MPHOSPH8: variants seen among roughly 807,000 people sequenced by gnomAD.
The protein encoded by MPHOSPH8 is M-phase phosphoprotein, mpp.
A neutral mutation model predicts 87.3 loss-of-function variants in MPHOSPH8; 45 were observed. The ratio of observed to expected loss-of-function variants is 0.52; its 90% CI spans 0.41 to 0.66. MPHOSPH8 has a LOEUF of 0.66. MPHOSPH8 is among the 30% of genes least tolerant of loss of function. The pLI is 0.00. For missense variants in MPHOSPH8, 883 were observed against 1,020.2 expected, an observed-to-expected ratio of 0.87 and a Z score of 1.83; for synonymous variants, 366 against 376.9, an observed-to-expected ratio of 0.97 and a Z score of 0.33.
At chr13:19,666,289 C>A in intron 9 of MPHOSPH8, 136 bp from the exon 10 acceptor site, 2 of 833,534 alleles carry the variant, frequency 2.4e-6, no homozygotes, top group Non-Finnish European at 3.7e-6. Flanking sequence ...GCCTGACGGG[C>A]CCCAAAAGTT....
At chr13:19,671,130 T>C in intron 12 of MPHOSPH8, 76 bp from the exon 13 acceptor site, 1 of 1,550,748 alleles carries the variant, frequency 6.4e-7, no homozygotes, top group Non-Finnish European at 8.7e-7. Flanking sequence ...TTATGATTCT[T>C]TTACATCATT....
Position 19,642,276 on chromosome 13 carries a change from A to G in MPHOSPH8, c.369+6A>G, listed in dbSNP as rs758118494. ...CAGTCAGGAAGGATATTCAGGTACTATGTTTTGTCTCATATTTGTTTTTAC... is the reference window on the plus strand; with the variant it reads ...CAGTCAGGAAGGATATTCAGGTACTGTGTTTTGTCTCATATTTGTTTTTAC... On this transcript the variant is annotated splice_donor_region_variant and intron_variant, in intron 2 of 13. Coordinates refer to ENST00000361479, the MANE Select transcript of MPHOSPH8 (RefSeq NM_017520.4). 1 of 1,578,528 alleles carries G rather than the reference A, an allele frequency of 6.3e-7. No individual in the cohort carries two copies. Among genetic ancestry groups the G allele is most frequent in the Non-Finnish European group, 8.6e-7 (1 of 1,168,486 alleles).
At chr13:19,671,432 A>G in intron 13 of MPHOSPH8, 143 bp downstream of exon 13, 2 of 677,306 alleles carry the variant, frequency 3.0e-6, no homozygotes, top group Middle Eastern at 2.5e-4. Context: ...TGCTAGGTGC[A>G]CCCTCTCTCA....
intron 2 of MPHOSPH8, among the ~76,000 whole-genome samples, chr13:19,642,765 G>A (rs954762362): frequency 6.6e-6 from 1 of 151,176 alleles, no homozygotes; most frequent in African/African-American, 2.4e-5. Context: ...TTTATAGGCT[G>A]AACATTGATC....
rs1356129144 is a variant in MPHOSPH8 at position 19,663,923 on chromosome 13, A to G, written c.2019+797A>G. Among the ~76,000 whole-genome samples the G allele has an allele frequency of 4.6e-5, 7 of 152,254 alleles. No homozygotes were observed. The East Asian group carries it at 1.4e-3, about 29-fold the overall frequency. ...CAGCCAGGCCCTGGGTCTGCAGGGCACCTGGCATCAAGTCTCACTGTGAAC... is the reference window on the plus strand; with the variant it reads ...CAGCCAGGCCCTGGGTCTGCAGGGCGCCTGGCATCAAGTCTCACTGTGAAC... On this transcript the variant is annotated intron_variant, in intron 9 of 13. Coordinates refer to ENST00000361479, the MANE Select transcript of MPHOSPH8 (RefSeq NM_017520.4).
At chr13:19,634,641 T>G (rs1043611080) in intron 1 of MPHOSPH8, among the ~76,000 whole-genome samples, 1 of 152,184 alleles carries the variant, frequency 6.6e-6, no homozygotes, top group African/African-American at 2.4e-5. Flanking sequence ...GAAAGCTTTT[T>G]TTGACCCTAA....
chr13:19,668,880 T>C (rs947542898), intron 11 of MPHOSPH8, among the ~76,000 whole-genome samples: 4 of 152,192 alleles, frequency 2.6e-5, no homozygotes, highest in African/African-American at 9.6e-5. Flanking sequence ...AAAAATAGTC[T>C]TGCTCCATAG....
At chr13:19,665,814 G>T (rs1875783811) in intron 9 of MPHOSPH8, among the ~76,000 whole-genome samples, 1 of 152,202 alleles carries the variant, frequency 6.6e-6, no homozygotes, top group Non-Finnish European at 1.5e-5. Flanking sequence ...CTGAAGTCAC[G>T]TGGCTAATAA....
At position 19,633,742 on chromosome 13, in the gene MPHOSPH8, T is replaced by C; in HGVS notation, c.-7T>C. On this transcript the variant is annotated 5_prime_UTR_variant, in exon 1 of 14. Transcript: ENST00000361479. The stretch of plus-strand genomic sequence containing the variant: ...GGTTTTCCTCGGCGGTTTGCGGAGC[T>C]GCTAGGATGGAGCAGGTTGCGGAGG... 6.3e-7 allele frequency: 1 copy of C among 1,583,902 alleles called. No homozygotes were observed.
At chr13:19,666,349 C>A in intron 9 of MPHOSPH8, 76 bp from the exon 10 acceptor site, 2 of 1,420,618 alleles carry the variant, frequency 1.4e-6, no homozygotes, top group Non-Finnish European at 1.9e-6. Context: ...AACCGCTAAG[C>A]ATGTATGGAG....
chr13:19,643,328 C>T (rs558583107), intron 2 of MPHOSPH8, among the ~76,000 whole-genome samples: 4 of 152,306 alleles, frequency 2.6e-5, no homozygotes, highest in Admixed American at 2.0e-4. Context: ...ACTGCAGCCT[C>T]AACCTCTGGG....
intron 9 of MPHOSPH8, among the ~76,000 whole-genome samples, chr13:19,665,310 G>A (rs1005557129): frequency 2.0e-5 from 3 of 152,178 alleles, no homozygotes; most frequent in African/African-American, 7.2e-5. Flanking sequence ...AGAATGAGAA[G>A]ATGTAAACAT....
intron 11 of MPHOSPH8, among the ~76,000 whole-genome samples, chr13:19,669,896 A>G (rs1177931205): frequency 6.6e-6 from 1 of 152,236 alleles, no homozygotes; most frequent in Non-Finnish European, 1.5e-5. Context: ...ACCCACACCC[A>G]AAGATGCCCA....
intron 11 of MPHOSPH8, 103 bp from the exon 12 acceptor site, chr13:19,670,133 T>G: frequency 7.1e-7 from 1 of 1,404,558 alleles, no homozygotes; most frequent in Admixed American, 1.9e-5. Flanking sequence ...GATGCCTGTC[T>G]GACCAGGCCC....
intron 7 of MPHOSPH8, chr13:19,660,812 C>A: frequency 2.2e-6 from 1 of 453,982 alleles, no homozygotes; most frequent in Non-Finnish European, 2.9e-6. Context: ...TAACTCCAGT[C>A]ATTTAATGAA....
chr13:19,665,042 C>T (rs1279303195), intron 9 of MPHOSPH8, among the ~76,000 whole-genome samples: 1 of 152,062 alleles, frequency 6.6e-6, no homozygotes, highest in Non-Finnish European at 1.5e-5. Flanking sequence ...TGCCCCAGGT[C>T]AGCACCTCAG....
At chr13:19,663,006 G>C in intron 8 of MPHOSPH8, 34 bp from the exon 9 acceptor site, 1 of 1,501,668 alleles carries the variant, frequency 6.7e-7, no homozygotes, top group Non-Finnish European at 9.2e-7. Flanking sequence ...TAAATAATTT[G>C]GGAAATTAAA....
At position 19,671,894 on chromosome 13, in the gene MPHOSPH8, G is replaced by C; in HGVS notation, c.*19G>C. ...GCAGTGACCAAACAGAAGGGACTGG[G>C]CGGAGTTCTCTTCAGACCGATTCCT... On this transcript the variant is annotated 3_prime_UTR_variant, in exon 14 of 14. Coordinates refer to ENST00000361479, the MANE Select transcript of MPHOSPH8 (RefSeq NM_017520.4). 1 of 1,612,886 alleles carries C rather than the reference G, an allele frequency of 6.2e-7. No homozygotes were observed.
intron 10 of MPHOSPH8, among the ~76,000 whole-genome samples, chr13:19,666,999 T>C (rs1327691711): frequency 6.6e-6 from 1 of 152,034 alleles, no homozygotes; most frequent in South Asian, 2.1e-4. Flanking sequence ...CTGGCTCTAC[T>C]AAAAATACAA....
Sources: allele counts gnomAD v4.1 joint callset (sites outside exome capture counted in the v4.1 genomes callset), GRCh38; gene constraint gnomAD v4.1.1; transcripts MANE v1.5; gene names NCBI Gene and HGNC (gene_info 2026-07-23, HGNC 2026-07-21).